Variants in MTMR14 observed in about 807,000 individuals in gnomAD.
MTMR14 encodes phosphatidylinositol-3,5-bisphosphate 3-phosphatase MTMR14.
A neutral mutation model predicts 86.3 loss-of-function variants in MTMR14; 48 were observed. The ratio of observed to expected loss-of-function variants is 0.56; its 90% CI spans 0.44 to 0.71. The LOEUF (loss-of-function observed/expected upper bound fraction) is 0.71. MTMR14 is among the 30% of genes least tolerant of loss of function. The pLI is 0.00. For missense variants in MTMR14, 780 were observed against 834.6 expected, an observed-to-expected ratio of 0.93 and a Z score of 0.81; for synonymous variants, 366 against 326.1, an observed-to-expected ratio of 1.12 and a Z score of -1.32.
intron 7 of MTMR14, among the ~76,000 whole-genome samples, chr3:9,675,954 G>C (rs2075556277): frequency 1.3e-5 from 2 of 152,170 alleles, no homozygotes; most frequent in African/African-American, 4.8e-5. Flanking sequence ...GCTGAAGATT[G>C]TTTCCAGACT....
chr3:9,693,838 T>C (rs1033054688), intron 17 of MTMR14, among the ~76,000 whole-genome samples: 18 of 152,322 alleles, frequency 1.2e-4, no homozygotes, highest in African/African-American at 4.3e-4. Flanking sequence ...ACCAATTCCC[T>C]GCAACAAAAA....
At chr3:9,673,498 A>T (rs2048684857) in intron 7 of MTMR14, among the ~76,000 whole-genome samples, 1 of 152,226 alleles carries the variant, frequency 6.6e-6, no homozygotes, top group South Asian at 2.1e-4. Context: ...TCAGTGCAAG[A>T]TGTTGTCAGC....
At chr3:9,665,279 CAAAA>C (rs748046896) in intron 3 of MTMR14, among the ~76,000 whole-genome samples, 45 of 67,026 alleles carry the variant, frequency 6.7e-4, no homozygotes, top group South Asian at 2.2e-3. Context: ...GAGACTGTCT[CAAAA>C]AAAAAAAAAA....
rs762480966 is a variant in MTMR14, at chr3:9,684,951, T to A, written c.1114T>A (p.Trp372Arg). 6.2e-7 allele frequency: 1 copy of A among 1,614,190 alleles called. No individual in the cohort carries two copies. Among genetic ancestry groups the A allele is most frequent in the East Asian group, 2.2e-5 (1 of 44,878 alleles). The stretch of plus-strand genomic sequence containing the variant: ...CCTCTACCTCACTGTGGCCTATGAC[T>A]GGTTCCTCTTCGGGTAAGCCTTTGC... Reference protein sequence around the residue: ...EILYLTVAYDWFLFGHMLVDR... With the variant: ...EILYLTVAYDRFLFGHMLVDR... Residue 372 changes from tryptophan (W) to arginine (R), a missense_variant, in exon 12 of 19, where the codon TGG (tryptophan) becomes AGG (arginine). Physicochemically the swap from Trp to Arg is moderately radical, Grantham distance 101 (BLOSUM62 -3). Transcript: ENST00000296003.
intron 2 of MTMR14, among the ~76,000 whole-genome samples, chr3:9,655,926 C>T (rs1045110255): frequency 7.3e-5 from 11 of 151,642 alleles, no homozygotes; most frequent in East Asian, 2.0e-4. Flanking sequence ...CCATCTTGGC[C>T]GGGCGTGCTG....
At position 9,677,951 on chromosome 3, in the gene MTMR14, A is replaced by T. The variant is rs373789816; in HGVS notation, c.823-33A>T. On this transcript the variant is annotated intron_variant, in intron 8 of 18. Transcript: ENST00000296003. The surrounding 1 kb of genome is among the most constrained non-coding windows in gnomAD (Gnocchi z 4.2). Reference sequence around the variant, plus strand: ...TCACCTAAGCCTCCTCTGGTGGCCAACCCACATCTCACAGGAGTCTTTCTG... The same window carrying T: ...TCACCTAAGCCTCCTCTGGTGGCCATCCCACATCTCACAGGAGTCTTTCTG... 27 of 1,610,622 alleles carry T rather than the reference A, an allele frequency of 1.7e-5. No homozygotes were observed. The highest frequency in any genetic ancestry group is 2.0e-5 in the Non-Finnish European group (23 of 1,177,284).
intron 7 of MTMR14, among the ~76,000 whole-genome samples, chr3:9,673,921 A>ATGATGATGGTGGTGATGATGT (rs2048712086): frequency 1.3e-5 from 2 of 152,082 alleles, no homozygotes; most frequent in Admixed American, 1.3e-4. Flanking sequence ...GATGCAGATG[A>ATGATGATGGTGGTGATGATGT]TGATGATGGT....
At chr3:9,680,331 G>A (rs1045230993) in intron 9 of MTMR14, among the ~76,000 whole-genome samples, 1 of 152,190 alleles carries the variant, frequency 6.6e-6, no homozygotes, top group Non-Finnish European at 1.5e-5. Context: ...CTGTCTCAGT[G>A]CATCTCACAG....
chr3:9,688,632 G>C (rs1176914182), intron 14 of MTMR14, 64 bp from the exon 15 acceptor site: 1 of 1,583,888 alleles, frequency 6.3e-7, no homozygotes, highest in East Asian at 2.2e-5. Context: ...GCAGGATTGG[G>C]AACGGGGGAC....
intron 13 of MTMR14, among the ~76,000 whole-genome samples, chr3:9,685,960 G>C (rs1021550449): frequency 1.3e-5 from 2 of 152,244 alleles, no homozygotes; most frequent in South Asian, 4.1e-4. Context: ...TCAAGCGTGA[G>C]AGAATGAGTC....
At position 9,659,937 on chromosome 3, in the gene MTMR14, A is replaced by G. The variant is rs1045939004; in HGVS notation, c.309-2330A>G. The G allele has an allele frequency of 7.3e-5, 31 of 425,738 alleles. 1 individual carries two copies. Among genetic ancestry groups the G allele is most frequent in the South Asian group, 4.6e-4 (27 of 58,768 alleles). 26.4% of individuals were successfully genotyped at this position (425,738 alleles called of 1,614,324 possible). ...AATCCACCTTGGTTTTGAGGCTACA[A>G]CTCAACCTGGGAAAATCAGATGTAG... On this transcript the variant is annotated intron_variant, in intron 2 of 18. Coordinates refer to ENST00000296003, the MANE Select transcript of MTMR14 (RefSeq NM_001077525.3).
intron 14 of MTMR14, 57 bp downstream of exon 14, chr3:9,687,948 C>T (rs2076015937): frequency 1.4e-6 from 2 of 1,428,868 alleles, no homozygotes; most frequent in Non-Finnish European, 1.9e-6. Context: ...AAGGGCTGCT[C>T]CCTGGGAGGC....
In MTMR14 at chr3:9,677,491, G is replaced by A; in HGVS notation, c.822+104G>A. On this transcript the variant is annotated intron_variant, in intron 8 of 18. Coordinates refer to ENST00000296003, the MANE Select transcript of MTMR14 (RefSeq NM_001077525.3). The surrounding 1 kb of genome is among the most constrained non-coding windows in gnomAD (Gnocchi z 4.2). ...GGGGAAAACAACAAGCAGTCTTTGG[G>A]GAAAATAACTCCCCTTTCCTCCCTG... The A allele has an allele frequency of 4.2e-6, 4 of 958,168 alleles. No individual in the cohort carries two copies. Among genetic ancestry groups the A allele is most frequent in the Non-Finnish European group, 5.1e-6 (3 of 590,152 alleles). 59.4% of individuals were successfully genotyped at this position (958,168 alleles called of 1,614,324 possible).
chr3:9,697,578 T>TA, intron 17 of MTMR14, 133 bp from the exon 18 acceptor site: 1 of 1,041,464 alleles, frequency 9.6e-7, no homozygotes, highest in Non-Finnish European at 1.4e-6. Flanking sequence ...CTTTTTTTTT[T>TA]AGACTTTTGG....
chr3:9,652,312 T>C (rs1021686034), intron 1 of MTMR14, among the ~76,000 whole-genome samples: 2 of 152,206 alleles, frequency 1.3e-5, no homozygotes, highest in African/African-American at 4.8e-5. Flanking sequence ...CTTTTTTCTG[T>C]TGTGTTTTTC....
In MTMR14 at chr3:9,701,475, T is replaced by C. The variant is rs1384014560; in HGVS notation, c.1770-315T>C. On this transcript the variant is annotated intron_variant, in intron 18 of 18. Transcript: ENST00000296003. This position sits in a 1 kb window ranked among gnomAD's most constrained non-coding sequence, Gnocchi z 4.2. ...GGCTTGAGGCTACAGTGAGCGCTGA[T>C]TGTGTCACTGCATTCCAGCCTGGGC... 5 of 385,646 alleles carry C rather than the reference T, an allele frequency of 1.3e-5. No homozygotes were observed. Among genetic ancestry groups the C allele is most frequent in the African/African-American group, 9.4e-5 (4 of 42,488 alleles). The allele number at this position is 385,646 out of a possible 1,614,324, so 23.9% of individuals were successfully genotyped here.
intron 18 of MTMR14, chr3:9,700,504 G>C (rs934331217): frequency 1.3e-5 from 2 of 152,000 alleles, no homozygotes; most frequent in African/African-American, 4.8e-5. Flanking sequence ...AGCCTGAGTT[G>C]TGCGCACTTG....
chr3:9,670,991 C>T (rs1412497796), intron 5 of MTMR14, 57 bp from the exon 6 acceptor site: 1 of 1,611,570 alleles, frequency 6.2e-7, no homozygotes, highest in African/African-American at 1.3e-5. Flanking sequence ...GTGCCCACCC[C>T]CAAGCTCCTG....
chr3:9,667,750 A>G (rs2048333539), intron 3 of MTMR14, among the ~76,000 whole-genome samples: 1 of 152,154 alleles, frequency 6.6e-6, no homozygotes, highest in East Asian at 1.9e-4. Flanking sequence ...AGTCGTTCCC[A>G]CGCACAACTC....
Sources: allele counts gnomAD v4.1 joint callset (sites outside exome capture counted in the v4.1 genomes callset), GRCh38; gene constraint gnomAD v4.1.1; non-coding constraint Gnocchi (gnomAD v3.1); transcripts MANE v1.5; gene names NCBI Gene and HGNC (gene_info 2026-07-23, HGNC 2026-07-21).